ATAD2B: variants seen among roughly 807,000 people sequenced by gnomAD.
ATAD2B encodes ATPase family AAA domain-containing protein 2B.
ATAD2B carries 40 observed loss-of-function variants against 167.6 expected under a neutral mutation model. The observed-to-expected ratio is 0.24, with a 90% confidence interval of 0.19 to 0.31. The LOEUF is 0.31. Among genes scored for constraint, ATAD2B ranks in the 10% least tolerant of loss-of-function variants. ATAD2B has a pLI of 1.00. For missense variants in ATAD2B, 1,242 were observed against 1,757.2 expected (o/e 0.71, Z 5.24); for synonymous variants, 579 against 596.5 (o/e 0.97, Z 0.43).
At chr2:23,724,259 G>C in the ATAD2B span, among the ~76,000 whole-genome samples, 2 of 152,182 alleles carry the variant, frequency 1.3e-5, no homozygotes, top group South Asian at 4.1e-4. Flanking sequence ...CAAATAGCTA[G>C]AAGAATAATG....
intron 2 of ATAD2B, among the ~76,000 whole-genome samples, chr2:23,893,565 T>C (rs989476410): frequency 7.9e-5 from 12 of 151,802 alleles, no homozygotes; most frequent in South Asian, 2.1e-4. Context: ...ATAGGTCAAA[T>C]TGCATTTTAT....
Position 23,786,637 on chromosome 2 carries a change from C to T in ATAD2B, c.2777-414G>A, listed in dbSNP as rs184465741. 2.0e-4 allele frequency among the ~76,000 whole-genome samples: 30 copies of T among 152,202 alleles called. No individual in the cohort carries two copies. The East Asian group carries it at 3.1e-3, about 16-fold the overall frequency. On this transcript the variant is annotated intron_variant, in intron 20 of 27. Transcript: ENST00000238789. ...ATATGCAGTCCATCGTTGACCAAAA[C>T]GTCATTATGCAGCGCATGACTATAT...
At chr2:23,799,766 A>G (rs549763031) in intron 18 of ATAD2B, 2 of 152,090 alleles carry the variant, frequency 1.3e-5, no homozygotes, top group African/African-American at 2.4e-5. Flanking sequence ...TCAATAATAA[A>G]CCAGATGAAA....
intron 13 of ATAD2B, among the ~76,000 whole-genome samples, chr2:23,852,919 CAA>C (rs1169910826): frequency 1.6e-4 from 16 of 101,284 alleles, no homozygotes; most frequent in Admixed American, 2.2e-4. Flanking sequence ...ACTCCATCTC[CAA>C]AAAAAAAAAA....
At chr2:23,888,328 A>G (rs772455345) in intron 3 of ATAD2B, 22 bp downstream of exon 3, 2 of 1,520,686 alleles carry the variant, frequency 1.3e-6, no homozygotes, top group East Asian at 2.3e-5. Context: ...AAAACTAACC[A>G]GTTTTATAAT....
At chr2:23,692,832 G>A in the ATAD2B span, among the ~76,000 whole-genome samples, 1 of 152,166 alleles carries the variant, frequency 6.6e-6, no homozygotes, top group East Asian at 1.9e-4. Context: ...GAAGCTGGGA[G>A]GTGTGTGAGG....
At chr2:23,699,679 C>T in the ATAD2B span, among the ~76,000 whole-genome samples, 1 of 152,210 alleles carries the variant, frequency 6.6e-6, no homozygotes, top group Non-Finnish European at 1.5e-5. Context: ...TCAACCCAAC[C>T]GTTTGCCTTC....
chr2:23,908,857 A>G (rs1177008875), intron 1 of ATAD2B, among the ~76,000 whole-genome samples: 1 of 151,968 alleles, frequency 6.6e-6, no homozygotes, highest in Non-Finnish European at 1.5e-5. Context: ...TGAAACTGGA[A>G]ATCATCATTC....
chr2:23,881,523 G>A (rs1223101857), intron 6 of ATAD2B, among the ~76,000 whole-genome samples: 6 of 151,244 alleles, frequency 4.0e-5, no homozygotes, highest in African/African-American at 1.5e-4. Flanking sequence ...CACCACGCCC[G>A]GCTCATTTTT....
At chr2:23,875,684 A>G in intron 8 of ATAD2B, 145 bp downstream of exon 8, 1 of 663,338 alleles carries the variant, frequency 1.5e-6, no homozygotes, top group Non-Finnish European at 2.6e-6. Flanking sequence ...AACTGTTAAA[A>G]CAACAAATAT....
At chr2:23,866,700 T>C (rs1437135491) in intron 10 of ATAD2B, among the ~76,000 whole-genome samples, 1 of 152,202 alleles carries the variant, frequency 6.6e-6, no homozygotes, top group Non-Finnish European at 1.5e-5. Context: ...ATAAATAAGA[T>C]AAGCATTTTC....
At chr2:23,856,860 T>TA (rs564276733) in intron 13 of ATAD2B, among the ~76,000 whole-genome samples, 115 of 143,538 alleles carry the variant, frequency 8.0e-4, no homozygotes, top group East Asian at 8.1e-4. Flanking sequence ...ACTCTGACTC[T>TA]AAAAAAAAAA....
rs527861174 is a variant in ATAD2B at position 23,899,969 on chromosome 2, G to C, written c.217-3999C>G. On this transcript the variant is annotated intron_variant, in intron 1 of 27. Coordinates refer to ENST00000238789, the MANE Select transcript of ATAD2B (RefSeq NM_017552.4). ...GACAGAGTCTAGCTCTGTCGCCCAG[G>C]CTGGGGTACAGTGGTCTCGGCTCAC... 1.6e-4 allele frequency among the ~76,000 whole-genome samples: 22 copies of C among 140,034 alleles called. No homozygotes were observed. In the South Asian group the frequency reaches 5.1e-3, roughly 32 times the overall value. 91.9% of individuals were successfully genotyped at this position (140,034 alleles called of 152,430 possible).
intron 18 of ATAD2B, among the ~76,000 whole-genome samples, chr2:23,808,459 T>C (rs968508888): frequency 6.6e-6 from 1 of 151,834 alleles, no homozygotes; most frequent in Non-Finnish European, 1.5e-5. Context: ...TTTCTTCTCA[T>C]AGTCCCTTCA....
At chr2:23,733,244 A>C in the ATAD2B span, among the ~76,000 whole-genome samples, 1 of 152,142 alleles carries the variant, frequency 6.6e-6, no homozygotes, top group African/African-American at 2.4e-5. Context: ...CCCAATTGCC[A>C]CATCTCCTAG....
At chr2:23,821,379 C>A (rs1321954643) in intron 16 of ATAD2B, among the ~76,000 whole-genome samples, 1 of 152,166 alleles carries the variant, frequency 6.6e-6, no homozygotes, top group African/African-American at 2.4e-5. Flanking sequence ...ATATGAAATA[C>A]ATTTCCAGTT....
chr2:23,737,646 C>T, the ATAD2B span, among the ~76,000 whole-genome samples: 1 of 152,176 alleles, frequency 6.6e-6, no homozygotes, highest in Admixed American at 6.5e-5. Flanking sequence ...AGCACCTCTC[C>T]TCCTCCAAAG....
At chr2:23,899,114 C>T (rs1008253403) in intron 1 of ATAD2B, among the ~76,000 whole-genome samples, 5 of 151,864 alleles carry the variant, frequency 3.3e-5, no homozygotes, top group Non-Finnish European at 7.4e-5. Context: ...TGCCATTGCA[C>T]TCCAGCCTGG....
chr2:23,808,077 G>GTAATTATATATA lies in ATAD2B; in HGVS notation c.2454+2227_2454+2238dup, dbSNP rs1194701678. 6.5e-5 allele frequency among the ~76,000 whole-genome samples: 8 copies of GTAATTATATATA among 122,784 alleles called. 1 individual carries two copies. In the South Asian group the frequency reaches 1.9e-3, roughly 29 times the overall value. 80.6% of individuals were successfully genotyped at this position (122,784 alleles called of 152,430 possible). On this transcript the variant is annotated intron_variant, in intron 18 of 27. Transcript: ENST00000238789. ...AGTAACTATAAATTATAATATATAAGTAATTATATATATAATTATATATAT... is the reference window on the plus strand; with the variant it reads ...AGTAACTATAAATTATAATATATAAGTAATTATATATATAATTATATATATAATTATATATAT...
Sources: allele counts gnomAD v4.1 joint callset (sites outside exome capture counted in the v4.1 genomes callset), GRCh38; gene constraint gnomAD v4.1.1; transcripts MANE v1.5; gene names NCBI Gene and HGNC (gene_info 2026-07-23, HGNC 2026-07-21).